The following MARCHF11 variants were observed in gnomAD, a reference collection of about 807,000 sequenced individuals.
MARCHF11 encodes the protein E3 ubiquitin-protein ligase MARCHF11.
A neutral mutation model predicts 37.3 loss-of-function variants in MARCHF11; 29 were observed. The ratio of observed to expected loss-of-function variants is 0.78; its 90% confidence interval spans 0.58 to 1.06. MARCHF11 has a LOEUF of 1.06. MARCHF11 is among the 50% of genes least tolerant of loss of function. The pLI, the probability that MARCHF11 is intolerant of heterozygous loss-of-function variation, is 0.00. For synonymous variants in MARCHF11, 233 were observed against 228.0 expected (o/e 1.02, Z -0.20); for missense variants, 482 against 533.4 (o/e 0.90, Z 0.95).
chr5:16,105,346 T>C (rs527608587), intron 2 of MARCHF11, among the ~76,000 whole-genome samples: 142 of 152,332 alleles, frequency 9.3e-4, no homozygotes, highest in Admixed American at 1.4e-3. Context: ...TCCTTTACTT[T>C]GAATAATATT....
intron 2 of MARCHF11, among the ~76,000 whole-genome samples, chr5:16,109,290 T>C (rs563348126): frequency 6.6e-6 from 1 of 152,272 alleles, no homozygotes; most frequent in East Asian, 1.9e-4. Context: ...ACCAACCTCA[T>C]GATTACAGGG....
At chr5:16,160,905 G>A (rs1209081697) in intron 2 of MARCHF11, among the ~76,000 whole-genome samples, 2 of 151,928 alleles carry the variant, frequency 1.3e-5, no homozygotes, top group Non-Finnish European at 2.9e-5. Context: ...ACCGTAGTTC[G>A]TGTGAAACAC....
At position 16,089,658 on chromosome 5, in the gene MARCHF11, GA is replaced by G. The variant is rs748595915; in HGVS notation, c.886+1230del. On this transcript the variant is annotated intron_variant, in intron 3 of 3. Coordinates refer to ENST00000332432, the MANE Select transcript of MARCHF11 (RefSeq NM_001102562.3). ...TTTAAACATTTATAGAATTCTTTTA[GA>G]AAAAATGACTGAATATATTAAAATT... Among the ~76,000 whole-genome samples the G allele has an allele frequency of 3.3e-5, 5 of 150,118 alleles. No homozygotes were observed. The East Asian group carries it at 5.8e-4, about 17-fold the overall frequency.
chr5:16,074,528 T>A (rs904092306), intron 3 of MARCHF11, among the ~76,000 whole-genome samples: 1 of 152,198 alleles, frequency 6.6e-6, no homozygotes, highest in African/African-American at 2.4e-5. Flanking sequence ...TGTTGGTTTT[T>A]CTACTGTTGA....
intron 2 of MARCHF11, among the ~76,000 whole-genome samples, chr5:16,096,527 C>T (rs997291799): frequency 1.4e-4 from 22 of 152,114 alleles, no homozygotes; most frequent in African/African-American, 5.3e-4. Flanking sequence ...TGGGAGGTTC[C>T]GTGTTAGTGG....
chr5:16,115,768 C>T (rs1450353302), intron 2 of MARCHF11, among the ~76,000 whole-genome samples: 1 of 151,866 alleles, frequency 6.6e-6, no homozygotes, highest in Admixed American at 6.6e-5. Context: ...GCTGGGATTA[C>T]AGGTACACGC....
intron 3 of MARCHF11, among the ~76,000 whole-genome samples, 194 bp downstream of exon 3, chr5:16,090,695 C>A (rs1365212165): frequency 6.6e-6 from 1 of 151,600 alleles, no homozygotes; most frequent in Non-Finnish European, 1.5e-5. Context: ...AATTTTTTTT[C>A]AAACTACACG....
intron 2 of MARCHF11, among the ~76,000 whole-genome samples, chr5:16,158,773 G>A (rs778430995): frequency 1.3e-5 from 2 of 151,864 alleles, no homozygotes; most frequent in African/African-American, 2.4e-5. Context: ...GTAAAAGTGT[G>A]CCATGGTGGT....
intron 2 of MARCHF11, among the ~76,000 whole-genome samples, chr5:16,143,827 G>C (rs1017723649): frequency 3.9e-5 from 6 of 152,234 alleles, no homozygotes; most frequent in African/African-American, 1.4e-4. Context: ...CCCAGAGAGA[G>C]ACTCTGCTTG....
chr5:16,151,420 ATT>A (rs936058111), intron 2 of MARCHF11, among the ~76,000 whole-genome samples: 10 of 151,900 alleles, frequency 6.6e-5, no homozygotes, highest in African/African-American at 2.2e-4. Context: ...AAAGTTGCAC[ATT>A]TTATACTCAC....
chr5:16,070,227 T>C (rs1736409309), intron 3 of MARCHF11, among the ~76,000 whole-genome samples: 2 of 152,308 alleles, frequency 1.3e-5, no homozygotes, highest in South Asian at 4.1e-4. Context: ...GAATTCCCCA[T>C]GGTCAATAAT....
chr5:16,095,409 T>A (rs555411868), intron 2 of MARCHF11, among the ~76,000 whole-genome samples: 41 of 125,222 alleles, frequency 3.3e-4, no homozygotes, highest in African/African-American at 1.2e-3. Flanking sequence ...GGAAGAAGGA[T>A]CAAAAAGGGA....
intron 2 of MARCHF11, among the ~76,000 whole-genome samples, chr5:16,146,238 T>G (rs565951157): frequency 1.2e-4 from 19 of 152,218 alleles, no homozygotes; most frequent in Non-Finnish European, 2.1e-4. Context: ...GAGCAGGCAG[T>G]GTCCCTATGA....
At chr5:16,110,118 C>T (rs1000284411) in intron 2 of MARCHF11, among the ~76,000 whole-genome samples, 3 of 152,152 alleles carry the variant, frequency 2.0e-5, no homozygotes, top group African/African-American at 7.2e-5. Flanking sequence ...ACATTTTTGT[C>T]CAGGCCCATT....
chr5:16,151,648 A>AGTGT (rs756908947), intron 2 of MARCHF11, among the ~76,000 whole-genome samples: 53 of 27,294 alleles, frequency 1.9e-3, no homozygotes, highest in Admixed American at 3.6e-3. Context: ...GCGTGAGTTG[A>AGTGT]ATGTGTGTGT....
At chr5:16,113,748 T>C (rs1331430014) in intron 2 of MARCHF11, among the ~76,000 whole-genome samples, 1 of 152,230 alleles carries the variant, frequency 6.6e-6, no homozygotes, top group Non-Finnish European at 1.5e-5. Context: ...ATATTTAGGA[T>C]ATCCATTACC....
At position 16,097,132 on chromosome 5, in the gene MARCHF11, A is replaced by G. The variant is rs762218795; in HGVS notation, c.694-6051T>C. Among the ~76,000 whole-genome samples the G allele has an allele frequency of 5.3e-5, 8 of 152,336 alleles. No homozygotes were observed. The South Asian group carries it at 6.2e-4, about 12-fold the overall frequency. On this transcript the variant is annotated intron_variant, in intron 2 of 3. Transcript: ENST00000332432. Reference sequence around the variant, plus strand: ...AAGAGGTGTCCTCTTCAGAAAATGAATTTAGCTAAAACTTACATTCAGTCA... The same window carrying G: ...AAGAGGTGTCCTCTTCAGAAAATGAGTTTAGCTAAAACTTACATTCAGTCA...
chr5:16,146,915 T>C (rs1388048686), intron 2 of MARCHF11, among the ~76,000 whole-genome samples: 2 of 152,146 alleles, frequency 1.3e-5, no homozygotes, highest in Non-Finnish European at 2.9e-5. Context: ...CCAGAGGTCT[T>C]AGATTAGCTA....
At chr5:16,148,806 G>A (rs1243558754) in intron 2 of MARCHF11, among the ~76,000 whole-genome samples, 1 of 152,172 alleles carries the variant, frequency 6.6e-6, no homozygotes, top group Non-Finnish European at 1.5e-5. Flanking sequence ...CTAACAGAAA[G>A]AGAAAGACAG....
Sources: gnomAD v4.1 joint callset for allele counts (sites outside exome capture counted in the v4.1 genomes callset) on GRCh38, gnomAD v4.1.1 for gene constraint, MANE v1.5 for transcripts, NCBI Gene and HGNC (gene_info 2026-07-23, HGNC 2026-07-21) for gene names.